Variants in NDE1 observed in about 807,000 individuals in gnomAD.
The protein encoded by NDE1 is nuclear distribution protein nudE homolog 1.
NDE1 carries 28 observed loss-of-function variants against 43.4 expected under a neutral mutation model. The ratio of observed to expected loss-of-function variants is 0.65; its 90% CI spans 0.48 to 0.89. The LOEUF (loss-of-function observed/expected upper bound fraction) is 0.89, where lower values mean the gene tolerates loss of function less well. Ranked by LOEUF, NDE1 falls within the 40% of genes least tolerant of loss-of-function variation. The pLI, the probability that NDE1 is intolerant of heterozygous loss-of-function variation, is 0.00. For synonymous variants in NDE1, 184 were observed against 172.0 expected (o/e 1.07, Z -0.55); for missense variants, 441 against 434.1 (o/e 1.02, Z -0.14).
chr16:15,681,253 CT>C (rs71134448), intron 4 of NDE1, among the ~76,000 whole-genome samples: 9 of 31,426 alleles, frequency 2.9e-4, no homozygotes, highest in African/African-American at 1.1e-3. Context: ...TAAACACTGC[CT>C]TTTTTTTTTT....
intron 3 of NDE1, among the ~76,000 whole-genome samples, chr16:15,669,613 G>C (rs1052437755): frequency 8.5e-5 from 13 of 152,116 alleles, no homozygotes; most frequent in Admixed American, 4.6e-4. Flanking sequence ...ACCCGCCTTA[G>C]CCTCCCAAAG....
intron 8 of NDE1, chr16:15,715,122 T>TGGGGGCTGGGGGCTCGAG: frequency 6.6e-7 from 1 of 1,522,740 alleles, no homozygotes; most frequent in Non-Finnish European, 9.0e-7. Flanking sequence ...GGAGGCCGGC[T>TGGGGGCTGGGGGCTCGAG]GGGGGCTGGG....
chr16:15,673,656 C>A (rs961645960), intron 3 of NDE1, among the ~76,000 whole-genome samples: 1 of 151,878 alleles, frequency 6.6e-6, no homozygotes, highest in Non-Finnish European at 1.5e-5. Flanking sequence ...CCTCAGCCTC[C>A]CCCATAGCTA....
At chr16:15,709,090 GC>G (rs2039633981) in intron 8 of NDE1, among the ~76,000 whole-genome samples, 1 of 151,686 alleles carries the variant, frequency 6.6e-6, no homozygotes, top group Non-Finnish European at 1.5e-5. Flanking sequence ...TTACAGGCAG[GC>G]CCCACGTGCT....
chr16:15,656,036 G>A (rs1349581296), intron 1 of NDE1, among the ~76,000 whole-genome samples: 4 of 150,130 alleles, frequency 2.7e-5, no homozygotes, highest in African/African-American at 7.4e-5. Flanking sequence ...GCTAGATGAC[G>A]AGTTAGTGGG....
intron 8 of NDE1, among the ~76,000 whole-genome samples, chr16:15,711,990 C>T (rs1173145148): frequency 6.6e-6 from 1 of 152,182 alleles, no homozygotes; most frequent in Non-Finnish European, 1.5e-5. Context: ...CTGCACCCAG[C>T]CTGGGCAGGA....
At chr16:15,668,748 C>G (rs1262934548) in intron 3 of NDE1, among the ~76,000 whole-genome samples, 1 of 152,180 alleles carries the variant, frequency 6.6e-6, no homozygotes, top group Non-Finnish European at 1.5e-5. Flanking sequence ...CCTTAGTGGA[C>G]AGAGGGGCTG....
At chr16:15,719,722 G>C in intron 8 of NDE1, 2 of 1,614,112 alleles carry the variant, frequency 1.2e-6, no homozygotes, top group Non-Finnish European at 1.7e-6. Flanking sequence ...GCCTGCATGA[G>C]TCAACAGGGA....
At chr16:15,661,626 T>G (rs535606580) in intron 1 of NDE1, among the ~76,000 whole-genome samples, 1 of 152,102 alleles carries the variant, frequency 6.6e-6, no homozygotes. Context: ...GTATTTTTTG[T>G]AGAGATAGGG....
chr16:15,723,197 G>GTAAGT (rs1363069321), intron 8 of NDE1, among the ~76,000 whole-genome samples: 1 of 152,158 alleles, frequency 6.6e-6, no homozygotes, highest in Non-Finnish European at 1.5e-5. Context: ...CTCATCACAT[G>GTAAGT]TAAGTTTTAC....
At chr16:15,694,919 C>T (rs2038937298) in intron 7 of NDE1, 2 of 984,628 alleles carry the variant, frequency 2.0e-6, no homozygotes, top group South Asian at 4.7e-5. Flanking sequence ...TACCTGTAAT[C>T]CCAGTGCTTT....
At chr16:15,684,437 AC>A (rs2038331452) in intron 4 of NDE1, 2 of 151,874 alleles carry the variant, frequency 1.3e-5, no homozygotes, top group Admixed American at 6.6e-5. Flanking sequence ...TACTAAAAAT[AC>A]AAAAATTAGC....
intron 4 of NDE1, chr16:15,684,177 G>C (rs1239616847): frequency 6.6e-6 from 1 of 152,166 alleles, no homozygotes; most frequent in Non-Finnish European, 1.5e-5. Flanking sequence ...GTTGCAGTGA[G>C]CTGAGATTGT....
At chr16:15,685,259 TG>T (rs2038381164) in intron 4 of NDE1, among the ~76,000 whole-genome samples, 1 of 152,152 alleles carries the variant, frequency 6.6e-6, no homozygotes, top group African/African-American at 2.4e-5. Flanking sequence ...GTGTGTTTTT[TG>T]TTTTTGTTTT....
intron 8 of NDE1, among the ~76,000 whole-genome samples, chr16:15,705,038 G>C (rs1037074457): frequency 6.6e-6 from 1 of 152,170 alleles, no homozygotes; most frequent in African/African-American, 2.4e-5. Flanking sequence ...GGAGTGCAGT[G>C]GCATGATCTT....
intron 1 of NDE1, among the ~76,000 whole-genome samples, chr16:15,644,154 A>G (rs2036241077): frequency 1.3e-5 from 2 of 152,246 alleles, no homozygotes; most frequent in Non-Finnish European, 2.9e-5. Context: ...ACGATTTAGG[A>G]TGTGCTAGCT....
At chr16:15,694,402 G>A in intron 7 of NDE1, 146 bp downstream of exon 7, 3 of 1,519,512 alleles carry the variant, frequency 2.0e-6, no homozygotes, top group Non-Finnish European at 2.6e-6. Flanking sequence ...CTGGAGTGTA[G>A]TGGTATGATC....
At chr16:15,657,759 T>G (rs953609397) in intron 1 of NDE1, among the ~76,000 whole-genome samples, 22 of 151,830 alleles carry the variant, frequency 1.4e-4, no homozygotes, top group African/African-American at 4.8e-4. Context: ...CCGTGCCCGT[T>G]TGATTTTTGT....
At chr16:15,723,949 A>C (rs776444726) in intron 8 of NDE1, among the ~76,000 whole-genome samples, 2 of 152,208 alleles carry the variant, frequency 1.3e-5, no homozygotes, top group Non-Finnish European at 2.9e-5. Flanking sequence ...CAGAAAAGTC[A>C]CAGTCATCAA....
Sources: allele counts gnomAD v4.1 joint callset (sites outside exome capture counted in the v4.1 genomes callset), GRCh38; gene constraint gnomAD v4.1.1; transcripts MANE v1.5; gene names NCBI Gene and HGNC (gene_info 2026-07-23, HGNC 2026-07-21).